ANGPTL4: variants seen among roughly 807,000 people sequenced by gnomAD.
ANGPTL4 encodes the protein angiopoietin like 4.
In ANGPTL4, 39 loss-of-function variants were observed where a neutral mutation model predicts 39.2. The observed-to-expected ratio is 1.00, with a 90% CI of 0.77 to 1.30. The LOEUF (loss-of-function observed/expected upper bound fraction) is 1.30. Among genes scored for constraint, ANGPTL4 ranks in the 50% most tolerant of loss-of-function variants. The pLI is 0.00. For synonymous variants in ANGPTL4, 233 were observed against 229.5 expected, an observed-to-expected ratio of 1.02 and a Z score of -0.14; for missense variants, 545 against 549.8, an observed-to-expected ratio of 0.99 and a Z score of 0.09.
intron 1 of ANGPTL4, among the ~76,000 whole-genome samples, chr19:8,365,632 G>A (rs1222235011): frequency 6.6e-6 from 1 of 152,072 alleles, no homozygotes; most frequent in Non-Finnish European, 1.5e-5. Context: ...TCCAACCTGG[G>A]TGACAGAGCG....
intron 1 of ANGPTL4, among the ~76,000 whole-genome samples, chr19:8,365,536 T>C (rs994670153): frequency 6.6e-6 from 1 of 151,590 alleles, no homozygotes; most frequent in Non-Finnish European, 1.5e-5. Context: ...CCAGGTGTGG[T>C]GGCAGCTACT....
At chr19:8,372,940 G>A (rs554389583) in intron 6 of ANGPTL4, among the ~76,000 whole-genome samples, 13 of 151,954 alleles carry the variant, frequency 8.6e-5, no homozygotes, top group African/African-American at 1.2e-4. Flanking sequence ...CTGGGCAATG[G>A]AGCCAGGCCC....
Position 8,366,056 on chromosome 19 carries a change from C to G in ANGPTL4, c.421C>G (p.Gln141Glu). 2 of 1,614,086 alleles carry G rather than the reference C, an allele frequency of 1.2e-6. No homozygotes were observed. The highest frequency in any genetic ancestry group is 1.7e-6 in the Non-Finnish European group (2 of 1,179,982). The change falls in exon 2 of 7, where the codon CAA (glutamine) becomes GAA (glutamate). Residue 141 changes from glutamine to glutamate, a missense_variant. By Grantham distance (29) the Gln-to-Glu change is conservative. Coordinates refer to ENST00000301455, the MANE Select transcript of ANGPTL4 (RefSeq NM_139314.3). ...GCAGCACCTGCGAATTCAGCATCTG[C>G]AAAGCCAGGTAACCCTAGGATCAAG... ...EKQHLRIQHL[Q>E]SQFGLLDHKH...
chr19:8,370,048 C>T (rs1436245299), intron 4 of ANGPTL4, among the ~76,000 whole-genome samples: 1 of 151,402 alleles, frequency 6.6e-6, no homozygotes, highest in Non-Finnish European at 1.5e-5. Context: ...ACTAAAAATA[C>T]AAAAATTAGC....
intron 3 of ANGPTL4, among the ~76,000 whole-genome samples, chr19:8,368,024 C>CT (rs762259435): frequency 2.9e-4 from 37 of 129,162 alleles, no homozygotes; most frequent in Admixed American, 6.3e-4. Context: ...TTTATCAAGT[C>CT]TTTTTTTTTT....
chr19:8,370,000 C>G (rs906750519), intron 4 of ANGPTL4, among the ~76,000 whole-genome samples: 1 of 151,770 alleles, frequency 6.6e-6, no homozygotes, highest in Admixed American at 6.6e-5. Flanking sequence ...GTCAGGAGTT[C>G]GAGACCAGCC....
At chr19:8,364,745 C>T (rs1970965762) in intron 1 of ANGPTL4, 106 bp downstream of exon 1, 4 of 1,354,030 alleles carry the variant, frequency 3.0e-6, no homozygotes, top group Non-Finnish European at 4.1e-6. Flanking sequence ...CTGTGGCTCC[C>T]TGGGCTTCCC....
At chr19:8,368,112 G>A (rs892017263) in intron 3 of ANGPTL4, among the ~76,000 whole-genome samples, 11 of 147,908 alleles carry the variant, frequency 7.4e-5, no homozygotes, top group Non-Finnish European at 1.5e-4. Flanking sequence ...TCTGCCTCCC[G>A]GGTTCAAGTG....
chr19:8,372,555 T>C (rs1267284849), intron 6 of ANGPTL4, among the ~76,000 whole-genome samples: 1 of 150,766 alleles, frequency 6.6e-6, no homozygotes, highest in Non-Finnish European at 1.5e-5. Context: ...TCCCAGCACT[T>C]TGGGAGGCTG....
At position 8,374,263 on chromosome 19, in the gene ANGPTL4, T is replaced by A; in HGVS notation, c.*377T>A. ...GGGCTTGTGTGGGTCGAGAGCGCCC[T>A]CATGGTGCTGGTGCTGTTGTGTGTA... On this transcript the variant is annotated 3_prime_UTR_variant, in exon 7 of 7. Coordinates refer to ENST00000301455, the MANE Select transcript of ANGPTL4 (RefSeq NM_139314.3). 1 of 295,444 alleles carries A rather than the reference T, an allele frequency of 3.4e-6. No homozygotes were observed. The highest frequency in any genetic ancestry group is 3.6e-5 in the South Asian group (1 of 27,816). The allele number at this position is 295,444 out of a possible 1,614,324, so 18.3% of individuals were successfully genotyped here.
Position 8,366,325 on chromosome 19 carries a change from T to C in ANGPTL4, c.547+6T>C, listed in dbSNP as rs1971005762. 25 of 1,612,794 alleles carry C rather than the reference T, an allele frequency of 1.6e-5. No homozygotes were observed. The highest frequency in any genetic ancestry group is 2.0e-5 in the Non-Finnish European group (24 of 1,179,738). On this transcript the variant is annotated splice_donor_region_variant and intron_variant, in intron 3 of 6. Coordinates refer to ENST00000301455, the MANE Select transcript of ANGPTL4 (RefSeq NM_139314.3). ...CAATGTCAGCCGCCTGCACCGTGAGTGTCTGCCCCTCGATGCTCTCCGGTG... is the reference window on the plus strand; with the variant it reads ...CAATGTCAGCCGCCTGCACCGTGAGCGTCTGCCCCTCGATGCTCTCCGGTG...
chr19:8,367,346 C>G (rs1023206218), intron 3 of ANGPTL4, among the ~76,000 whole-genome samples: 10 of 152,268 alleles, frequency 6.6e-5, no homozygotes, highest in African/African-American at 1.9e-4. Context: ...TGGAAGGGGG[C>G]AGGGGTTCTG....
At chr19:8,366,968 C>T (rs1482013051) in intron 3 of ANGPTL4, among the ~76,000 whole-genome samples, 1 of 149,038 alleles carries the variant, frequency 6.7e-6, no homozygotes, top group Admixed American at 6.7e-5. Context: ...CCGTTCATCT[C>T]GAACCACAGC....
chr19:8,368,545 G>C (rs1971051402), intron 3 of ANGPTL4, among the ~76,000 whole-genome samples: 1 of 152,108 alleles, frequency 6.6e-6, no homozygotes, highest in African/African-American at 2.4e-5. Flanking sequence ...CAGAAGCTGG[G>C]ACCCAGAGAG....
chr19:8,373,387 G>A (rs1252104635), intron 6 of ANGPTL4, among the ~76,000 whole-genome samples: 3 of 151,702 alleles, frequency 2.0e-5, no homozygotes, highest in African/African-American at 7.3e-5. Flanking sequence ...CTGGGAGATA[G>A]AGTGAGACTC....
At position 8,373,856 on chromosome 19, in the gene ANGPTL4, C is replaced by G; in HGVS notation, c.1191C>G (p.Ile397Met). The G allele has an allele frequency of 6.2e-7, 1 of 1,613,730 alleles. No individual in the cohort carries two copies. Among genetic ancestry groups the G allele is most frequent in the Non-Finnish European group, 8.5e-7 (1 of 1,179,984 alleles). Residue 397 changes from isoleucine to methionine, a missense_variant, in exon 7 of 7, where the codon ATC becomes ATG. Ile to Met is a conservative substitution (Grantham distance 10). Transcript: ENST00000301455. ...YYPLQATTMLIQPMAAEAAS is the reference protein window; with the variant it reads ...YYPLQATTMLMQPMAAEAAS ...CGCTGCAGGCCACCACCATGTTGAT[C>G]CAGCCCATGGCAGCAGAGGCAGCCT... is the stretch of plus-strand genomic sequence containing the variant.
At chr19:8,373,644 C>T (rs578106822) in intron 6 of ANGPTL4, 61 bp from the exon 7 acceptor site, 16 of 1,612,414 alleles carry the variant, frequency 9.9e-6, no homozygotes, top group Admixed American at 1.7e-5. Flanking sequence ...TCCCTATCTC[C>T]TTTCAGCCCC....
At position 8,364,608 on chromosome 19, in the gene ANGPTL4, G is replaced by C. The variant is rs765268915; in HGVS notation, c.287G>C (p.Arg96Pro). Residue 96 changes from arginine to proline, a missense_variant, in exon 1 of 7, where the codon CGG (arginine) becomes CCG (proline). Transcript: ENST00000301455. ...STDLPLAPES[R>P]VDPEVLHSLQ... is the part of the protein sequence containing the mutation. Reference sequence around the variant, plus strand: ...GACCTCCCGTTAGCCCCTGAGAGCCGGGTGGACCCTGAGGTCCTTCACAGC... The same window carrying C: ...GACCTCCCGTTAGCCCCTGAGAGCCCGGTGGACCCTGAGGTCCTTCACAGC... 7 of 1,592,384 alleles carry C rather than the reference G, an allele frequency of 4.4e-6. No individual in the cohort carries two copies. The African/African-American group carries it at 5.4e-5, about 12-fold the overall frequency.
At chr19:8,372,246 A>G (rs1971135884) in intron 6 of ANGPTL4, among the ~76,000 whole-genome samples, 1 of 151,194 alleles carries the variant, frequency 6.6e-6, no homozygotes, top group Non-Finnish European at 1.5e-5. Context: ...TTTAGTAGAG[A>G]CGGGGTTTCA....
Sources: allele counts gnomAD v4.1 joint callset (sites outside exome capture counted in the v4.1 genomes callset), GRCh38; gene constraint gnomAD v4.1.1; transcripts MANE v1.5; gene names NCBI Gene and HGNC (gene_info 2026-07-23, HGNC 2026-07-21).